SMARCA4: variants seen among roughly 807,000 people sequenced by gnomAD.
The protein encoded by SMARCA4 is SWI/SNF-related matrix-associated actin-dependent regulator of chromatin subfamily A member 4.
A neutral mutation model predicts 193.9 loss-of-function variants in SMARCA4; 31 were observed. The observed-to-expected ratio is 0.16, with a 90% CI of 0.12 to 0.22. SMARCA4 has a LOEUF of 0.22. SMARCA4 is among the 10% of genes least tolerant of loss of function. The probability of loss-of-function intolerance (pLI) is 1.00; values close to 1 mark genes in which losing one functional copy is unlikely to be tolerated. For missense variants in SMARCA4, 1,148 were observed against 2,296.0 expected (o/e 0.50, Z 10.22); for synonymous variants, 942 against 933.1 (o/e 1.01, Z -0.17).
Position 10,994,710 on chromosome 19 carries a change from CT to C in SMARCA4, c.1420-117del, listed in dbSNP as rs113802009. On this transcript the variant is annotated intron_variant, in intron 8 of 34. Coordinates refer to ENST00000344626, the MANE Select transcript of SMARCA4 (RefSeq NM_003072.5). ...TCCTGACCTCGTGATCTGCCCTCCT[CT>C]GCCTCCCAAAGCGCTGGGATTACAG... The C allele has an allele frequency of 0.011, 9,251 of 852,258 alleles. 139 individuals carry two copies. Among genetic ancestry groups the C allele is most frequent in the South Asian group, 0.045 (3,295 of 72,674 alleles). 52.8% of individuals were successfully genotyped at this position (852,258 alleles called of 1,614,324 possible).
intron 30 of SMARCA4, among the ~76,000 whole-genome samples, chr19:11,051,205 A>T (rs943513186): frequency 1.6e-4 from 24 of 152,288 alleles, no homozygotes; most frequent in African/African-American, 5.8e-4. Context: ...TCTCCCCCTC[A>T]GTGATAGAGA....
chr19:10,998,053 G>A (rs1362556548), intron 11 of SMARCA4, among the ~76,000 whole-genome samples: 1 of 152,008 alleles, frequency 6.6e-6, no homozygotes, highest in African/African-American at 2.4e-5. Flanking sequence ...AGCTCCTTGT[G>A]TGTGTGTTTG....
Position 11,033,445 on chromosome 19 carries a change from C to T in SMARCA4, c.3702C>T (p.Phe1234=), listed in dbSNP as rs751373738. 15 of 1,613,370 alleles carry T rather than the reference C, an allele frequency of 9.3e-6. No homozygotes were observed. In the East Asian group the frequency reaches 2.0e-4, roughly 22 times the overall value. The change falls in exon 26 of 35, where the codon TTC becomes TTT. Residue 1234 remains phenylalanine (F), a synonymous_variant. Coordinates refer to ENST00000344626, the MANE Select transcript of SMARCA4 (RefSeq NM_003072.5). This position sits in a 1 kb window ranked among gnomAD's most constrained non-coding sequence, Gnocchi z 9.8. The part of the protein sequence containing the change: ...VDQKVIQAGM[F]DQKSSSHERR... ...AGAAGGTGATCCAGGCCGGCATGTT[C>T]GACCAGAAGTCCTCCAGCCATGAGC...
rs118050962 is a variant in SMARCA4 at position 11,058,705 on chromosome 19, G to A, written c.4534-83G>A. The A allele has an allele frequency of 6.5e-3, 7,682 of 1,184,150 alleles. 66 individuals carry two copies. Among genetic ancestry groups the A allele is most frequent in the South Asian group, 0.023 (1,911 of 81,742 alleles). 73.4% of individuals were successfully genotyped at this position (1,184,150 alleles called of 1,614,324 possible). A position where few individuals can be genotyped will look rare whatever the true frequency, so the allele number is the denominator to read the frequency against. On this transcript the variant is annotated intron_variant, in intron 31 of 34. Transcript: ENST00000344626. The surrounding 1 kb of genome is among the most constrained non-coding windows in gnomAD (Gnocchi z 5.8). ...TCATAGGCACGAGGAATCCTAGCCC[G>A]TGGGGTCTCCAGCACACAGCCAGGC...
chr19:10,986,624 C>T lies in SMARCA4; in HGVS notation c.760+31C>T, dbSNP rs1405266736. 6.5e-7 allele frequency: 1 copy of T among 1,535,294 alleles called. No individual in the cohort carries two copies. The highest frequency in any genetic ancestry group is 2.4e-5 in the East Asian group (1 of 40,890). ...ACTGGCTGCCCTGGCCCTCAGGTGTCTCAGAGCGAATGGCTGGGGCGTGGG... is the reference window on the plus strand; with the variant it reads ...ACTGGCTGCCCTGGCCCTCAGGTGTTTCAGAGCGAATGGCTGGGGCGTGGG... On this transcript the variant is annotated intron_variant, in intron 4 of 34. Transcript: ENST00000344626. This position sits in a 1 kb window ranked among gnomAD's most constrained non-coding sequence, Gnocchi z 6.7.
At chr19:11,009,687 CT>C (rs1275036196) in intron 14 of SMARCA4, among the ~76,000 whole-genome samples, 243 of 126,364 alleles carry the variant, frequency 1.9e-3, no homozygotes, top group Middle Eastern at 4.6e-3. Context: ...GCCCGGCTAA[CT>C]TTTTTTTTTT....
rs373148510 is a variant in SMARCA4 at position 11,008,036 on chromosome 19, G to A, written c.2123+13G>A. ...GGCACATCATTGAGTAAGGGGTCCC[G>A]ACACAGGTTGTTCTGTGCCAGCTTC... On this transcript the variant is annotated intron_variant, in intron 14 of 34. Transcript: ENST00000344626. 3.4e-5 allele frequency: 55 copies of A among 1,610,892 alleles called. No individual in the cohort carries two copies. In the Admixed American group the frequency reaches 8.5e-4, roughly 25 times the overall value.
In SMARCA4 at chr19:11,062,261, A is replaced by G. The variant is rs2076933023; in HGVS notation, c.*445A>G. 3 of 262,412 alleles carry G rather than the reference A, an allele frequency of 1.1e-5. No homozygotes were observed. The highest frequency in any genetic ancestry group is 1.1e-4 in the South Asian group (1 of 9,486). The allele number at this position is 262,412 out of a possible 1,614,324, so 16.3% of individuals were successfully genotyped here. ...TGGATGTCAAACAGTAATAAATTAA[A>G]CCAACAACAAAACGCACAGCCTTGC... On this transcript the variant is annotated 3_prime_UTR_variant, in exon 35 of 35. Transcript: ENST00000344626.
intron 9 of SMARCA4, 79 bp from the exon 10 acceptor site, chr19:10,996,134 T>C (rs2145964853): frequency 6.7e-7 from 1 of 1,497,464 alleles, no homozygotes; most frequent in Admixed American, 1.7e-5. Flanking sequence ...CTCAGTGCGC[T>C]TCTGGATTGA....
chr19:11,051,368 G>A (rs115371555), intron 30 of SMARCA4, among the ~76,000 whole-genome samples: 194 of 152,270 alleles, frequency 1.3e-3, no homozygotes, highest in African/African-American at 4.4e-3. Flanking sequence ...GGAGCCGCTC[G>A]TGCCTTTCCC....
intron 6 of SMARCA4, among the ~76,000 whole-genome samples, chr19:10,989,077 G>A (rs1021644480): frequency 5.3e-5 from 8 of 152,216 alleles, no homozygotes; most frequent in African/African-American, 1.9e-4. Context: ...CACTGAAAAG[G>A]CATGACCTGG....
At chr19:11,044,228 C>T (rs2146866212) in intron 30 of SMARCA4, among the ~76,000 whole-genome samples, 1 of 152,150 alleles carries the variant, frequency 6.6e-6, no homozygotes, top group Non-Finnish European at 1.5e-5. Flanking sequence ...ATCCACGTGA[C>T]ATGGACTGTG....
chr19:11,053,636 G>A (rs1217487686), intron 30 of SMARCA4, among the ~76,000 whole-genome samples: 2 of 152,066 alleles, frequency 1.3e-5, no homozygotes, highest in Non-Finnish European at 2.9e-5. Flanking sequence ...TGAGCTGAGC[G>A]CAGTGACTCA....
Position 11,033,099 on chromosome 19 carries a change from C to T in SMARCA4, c.3547-191C>T. The T allele has an allele frequency of 1.5e-6, 1 of 662,582 alleles. No homozygotes were observed. The highest frequency in any genetic ancestry group is 2.8e-6 in the Non-Finnish European group (1 of 362,330). The allele number at this position is 662,582 out of a possible 1,614,324, so 41.0% of individuals were successfully genotyped here. A position where few individuals can be genotyped will look rare whatever the true frequency, so the allele number is the denominator to read the frequency against. ...TCTGGAGGAACGTGATGAGAGTCCC[C>T]TTCCCCCGAGGGACACATGGCGGCC... On this transcript the variant is annotated intron_variant, in intron 25 of 34. Transcript: ENST00000344626. The surrounding 1 kb of genome is among the most constrained non-coding windows in gnomAD (Gnocchi z 9.8).
intron 1 of SMARCA4, among the ~76,000 whole-genome samples, chr19:10,962,019 C>T (rs1230112101): frequency 7.3e-6 from 1 of 137,656 alleles, no homozygotes; most frequent in Non-Finnish European, 1.5e-5. Context: ...GGGAAAGTAG[C>T]AAGGGAATAA....
At chr19:11,027,633 T>G in intron 23 of SMARCA4, 151 bp from the exon 24 acceptor site, 1 of 814,008 alleles carries the variant, frequency 1.2e-6, no homozygotes, top group South Asian at 1.4e-5. Context: ...TGCTGAAGCT[T>G]TGGGTGGGTG....
intron 11 of SMARCA4, among the ~76,000 whole-genome samples, chr19:10,997,242 A>T (rs2087155065): frequency 6.6e-6 from 1 of 152,006 alleles, no homozygotes; most frequent in Non-Finnish European, 1.5e-5. Context: ...TCTGTCACAC[A>T]GGCTGGAGTG....
chr19:11,048,668 C>A (rs759991961), intron 30 of SMARCA4, among the ~76,000 whole-genome samples: 4 of 152,174 alleles, frequency 2.6e-5, no homozygotes, highest in Non-Finnish European at 4.4e-5. Flanking sequence ...GCTGGGCACC[C>A]GCTGCTGTGT....
chr19:11,021,372 C>T (rs1011704393), intron 18 of SMARCA4: 8 of 386,942 alleles, frequency 2.1e-5, no homozygotes, highest in African/African-American at 1.7e-4. Context: ...ACAAGTCCCC[C>T]AGTCAGCAAG....
Sources: gnomAD v4.1 joint callset for allele counts (sites outside exome capture counted in the v4.1 genomes callset) on GRCh38, gnomAD v4.1.1 for gene constraint, Gnocchi (gnomAD v3.1) non-coding constraint, MANE v1.5 for transcripts, NCBI Gene and HGNC (gene_info 2026-07-23, HGNC 2026-07-21) for gene names.